STK3: variants seen among roughly 807,000 people sequenced by gnomAD.
STK3 encodes serine/threonine-protein kinase 3.
In STK3, 41 loss-of-function variants were observed where a neutral mutation model predicts 58.0. The observed-to-expected ratio is 0.71, with a 90% CI of 0.55 to 0.92. The LOEUF (loss-of-function observed/expected upper bound fraction) is 0.92, where lower values mean the gene tolerates loss of function less well. STK3 is among the 40% of genes least tolerant of loss of function. STK3 has a pLI of 0.00. For missense variants in STK3, 479 were observed against 602.7 expected, an observed-to-expected ratio of 0.79 and a Z score of 2.15; for synonymous variants, 170 against 191.0, an observed-to-expected ratio of 0.89 and a Z score of 0.91.
intron 10 of STK3, among the ~76,000 whole-genome samples, chr8:98,474,126 G>T (rs753381475): frequency 1.4e-4 from 22 of 152,084 alleles, no homozygotes; most frequent in Non-Finnish European, 2.6e-4. Context: ...ATGCCTTGTG[G>T]TGTTCATACT....
chr8:98,427,899 G>T (rs997935306), intron 3 of STK3: 51 of 1,249,354 alleles, frequency 4.1e-5, no homozygotes, highest in Admixed American at 1.4e-4. Flanking sequence ...CCGCCAGGGC[G>T]CACGGCGCTC....
intron 3 of STK3, chr8:98,413,324 T>G (rs1214442631): frequency 1.4e-5 from 7 of 485,820 alleles, no homozygotes; most frequent in Non-Finnish European, 2.0e-5. Flanking sequence ...CTAATTTTGT[T>G]TTTGATTGCC....
chr8:98,523,082 G>C (rs1355624598), intron 10 of STK3, among the ~76,000 whole-genome samples: 1 of 152,162 alleles, frequency 6.6e-6, no homozygotes, highest in East Asian at 1.9e-4. Flanking sequence ...TGGATTATAT[G>C]ATAATGCTAT....
intron 3 of STK3, among the ~76,000 whole-genome samples, chr8:98,422,439 T>C (rs1157995963): frequency 1.3e-5 from 2 of 152,116 alleles, no homozygotes; most frequent in Admixed American, 6.5e-5. Context: ...CCCTTGCTAC[T>C]GTAAAGCCAC....
upstream of STK3, among the ~76,000 whole-genome samples, chr8:98,828,437 C>CAAAAAAAAAAAA (rs367737626): frequency 9.5e-4 from 46 of 48,578 alleles, no homozygotes; most frequent in East Asian, 1.3e-3. Flanking sequence ...CCCATCTCTA[C>CAAAAAAAAAAAA]AAAAAAAAAA....
intron 4 of STK3, among the ~76,000 whole-genome samples, chr8:98,715,801 T>C (rs1398580229): frequency 1.3e-5 from 2 of 152,228 alleles, no homozygotes; most frequent in Non-Finnish European, 2.9e-5. Context: ...CAAAGGATTA[T>C]AAAACATACT....
intron 4 of STK3, among the ~76,000 whole-genome samples, chr8:98,713,812 G>A (rs1826753810): frequency 6.6e-6 from 1 of 151,764 alleles, no homozygotes; most frequent in African/African-American, 2.4e-5. Flanking sequence ...AAGCCTGGCA[G>A]AGACACAACA....
intron 3 of STK3, among the ~76,000 whole-genome samples, chr8:98,837,127 C>G (rs1295966634): frequency 6.6e-6 from 1 of 152,128 alleles, no homozygotes; most frequent in Non-Finnish European, 1.5e-5. Context: ...ACCTGGATCA[C>G]ACTTTAAGAA....
chr8:98,931,886 T>C (rs561277496), intron 1 of STK3, among the ~76,000 whole-genome samples: 4 of 152,356 alleles, frequency 2.6e-5, no homozygotes, highest in Admixed American at 2.6e-4. Context: ...TGGTCCCTCT[T>C]GCTCCAGGAA....
upstream of STK3, among the ~76,000 whole-genome samples, chr8:98,389,746 T>G (rs1259691069): frequency 6.7e-6 from 1 of 149,794 alleles, no homozygotes; most frequent in African/African-American, 2.5e-5. Context: ...TGGCTTGATC[T>G]AGTGGCCACC....
intron 2 of STK3, among the ~76,000 whole-genome samples, chr8:98,435,971 C>T (rs1167906209): frequency 2.0e-5 from 3 of 152,170 alleles, no homozygotes; most frequent in Admixed American, 1.3e-4. Flanking sequence ...CTTTCCTCTC[C>T]TGTCACTTCC....
chr8:98,907,522 A>G (rs1323222025), intron 1 of STK3, among the ~76,000 whole-genome samples: 2 of 152,152 alleles, frequency 1.3e-5, no homozygotes, highest in East Asian at 1.9e-4. Flanking sequence ...CAAAACAAAC[A>G]AACAAACAAA....
At chr8:98,670,253 C>T (rs1822724584) in intron 6 of STK3, among the ~76,000 whole-genome samples, 1 of 151,948 alleles carries the variant, frequency 6.6e-6, no homozygotes, top group African/African-American at 2.4e-5. Context: ...CCTATAGTAC[C>T]AGCTACTCCA....
In STK3 at chr8:98,819,114, T is replaced by C. The variant is rs192390743; in HGVS notation, c.26+6401A>G. 8.7e-3 allele frequency among the ~76,000 whole-genome samples: 1,325 copies of C among 152,218 alleles called. 12 individuals are homozygous for C. Among genetic ancestry groups the C allele is most frequent in the African/African-American group, 0.03 (1,248 of 41,514 alleles). On this transcript the variant is annotated intron_variant, in intron 1 of 10. Coordinates refer to ENST00000419617, the MANE Select transcript of STK3 (RefSeq NM_006281.4). ...CTGGGATTACAGGCGTGAGCCACCGTGCCCAGCCCAATGAACGTTTTTGAG... is the reference window on the plus strand; with the variant it reads ...CTGGGATTACAGGCGTGAGCCACCGCGCCCAGCCCAATGAACGTTTTTGAG...
rs951861643 is a variant in STK3 at position 98,906,886 on chromosome 8, G to A, written c.-78-23052C>T. Among the ~76,000 whole-genome samples, 6 of 151,740 alleles carry A rather than the reference G, an allele frequency of 4.0e-5. No individual in the cohort carries two copies. The East Asian group carries it at 7.7e-4, about 20-fold the overall frequency. ...TTACAGGCTGGGTGTGGAGGCTCACGCCTGTAATCCCAGCATTTTGGGAGA... is the reference window on the plus strand; with the variant it reads ...TTACAGGCTGGGTGTGGAGGCTCACACCTGTAATCCCAGCATTTTGGGAGA... On this transcript the variant is annotated intron_variant, in intron 1 of 1. Transcript: ENST00000519420.
chr8:98,721,617 A>G (rs1196734649), intron 4 of STK3, among the ~76,000 whole-genome samples: 1 of 151,998 alleles, frequency 6.6e-6, no homozygotes, highest in East Asian at 1.9e-4. Flanking sequence ...AAAAACAATA[A>G]AATCTCAATA....
chr8:98,659,154 C>T (rs1821776752), intron 6 of STK3, among the ~76,000 whole-genome samples: 1 of 152,000 alleles, frequency 6.6e-6, no homozygotes, highest in Non-Finnish European at 1.5e-5. Flanking sequence ...GTATTTCCAT[C>T]ATTAAGCAAT....
chr8:98,361,498 C>T, the STK3 span, among the ~76,000 whole-genome samples: 1 of 152,124 alleles, frequency 6.6e-6, no homozygotes, highest in Non-Finnish European at 1.5e-5. Context: ...ATAATAATTT[C>T]ATGGTTGTTG....
intron 1 of STK3, among the ~76,000 whole-genome samples, chr8:98,442,267 T>G (rs1331799193): frequency 6.6e-6 from 1 of 152,190 alleles, no homozygotes; most frequent in Non-Finnish European, 1.5e-5. Context: ...TCTCCAATTC[T>G]CCAAGCTCCC....
Sources: gnomAD v4.1 joint callset for allele counts (sites outside exome capture counted in the v4.1 genomes callset) on GRCh38, gnomAD v4.1.1 for gene constraint, MANE v1.5 for transcripts, NCBI Gene and HGNC (gene_info 2026-07-23, HGNC 2026-07-21) for gene names.